APOO: variants seen among roughly 807,000 people sequenced by gnomAD.
APOO encodes the protein MICOS complex subunit MIC26.
APOO carries 11 observed loss-of-function variants against 23.1 expected under a neutral mutation model. The ratio of observed to expected loss-of-function variants is 0.48; its 90% CI spans 0.30 to 0.79. The LOEUF (loss-of-function observed/expected upper bound fraction) is 0.79, where lower values mean the gene tolerates loss of function less well. Among genes scored for constraint, APOO ranks in the 30% least tolerant of loss-of-function variants. The pLI is 0.07. For missense variants in APOO, 160 were observed against 142.7 expected (o/e 1.12, Z -0.62); for synonymous variants, 59 against 54.8 (o/e 1.08, Z -0.34).
intron 1 of APOO, among the ~76,000 whole-genome samples, chrX:23,882,702 A>G (rs1416235091): frequency 9.2e-6 from 1 of 108,210 alleles, no homozygotes; most frequent in Non-Finnish European, 1.9e-5. Flanking sequence ...GTTGGAGTGC[A>G]GCAGCAGGAT....
At chrX:23,835,605 A>G (rs1257062685) in intron 8 of APOO, among the ~76,000 whole-genome samples, 4 of 111,936 alleles carry the variant, frequency 3.6e-5, no homozygotes, top group Non-Finnish European at 5.6e-5. Context: ...GAAATCATTA[A>G]GCAACTAGAG....
At position 23,835,791 on chromosome X, in the gene APOO, T is replaced by C. The variant is rs184645693; in HGVS notation, c.*30-2179A>G. Reference sequence around the variant, plus strand: ...TCCAACTATAAGTTTATGGGAAATATAGAGAAGAAAGAAACCAAGAGATAA... The same window carrying C: ...TCCAACTATAAGTTTATGGGAAATACAGAGAAGAAAGAAACCAAGAGATAA... On this transcript the variant is annotated intron_variant, in intron 8 of 8. Coordinates refer to ENST00000379226, the MANE Select transcript of APOO (RefSeq NM_024122.5). Among the ~76,000 whole-genome samples the C allele has an allele frequency of 9.0e-5, 10 of 110,679 alleles. No homozygotes were observed. In the East Asian group the frequency reaches 2.2e-3, roughly 25 times the overall value.
chrX:23,878,038 A>C (rs1912975011), intron 3 of APOO, among the ~76,000 whole-genome samples: 1 of 111,879 alleles, frequency 8.9e-6, no homozygotes, highest in East Asian at 2.8e-4. Flanking sequence ...ACAGAAACCA[A>C]TCTGTATATG....
rs773608289 is a variant in APOO, at chrX:23,873,653, T to A, written c.292+750A>T. 6.3e-5 allele frequency among the ~76,000 whole-genome samples: 7 copies of A among 110,953 alleles called. No individual in the cohort carries two copies. The East Asian group carries it at 1.7e-3, about 27-fold the overall frequency. On this transcript the variant is annotated intron_variant, in intron 4 of 8. Coordinates refer to ENST00000379226, the MANE Select transcript of APOO (RefSeq NM_024122.5). ...CAGTAGGCAGCTATTGTTATGTTTGTCTTCAAACGATAAATTTATCTGACA... is the reference window on the plus strand; with the variant it reads ...CAGTAGGCAGCTATTGTTATGTTTGACTTCAAACGATAAATTTATCTGACA...
At chrX:23,851,870 T>C (rs1327175420) in intron 7 of APOO, among the ~76,000 whole-genome samples, 1 of 111,974 alleles carries the variant, frequency 8.9e-6, no homozygotes, top group Non-Finnish European at 1.9e-5. Flanking sequence ...AATAATACCG[T>C]TAAGAATTGT....
chrX:23,879,483 C>A (rs16982836), intron 2 of APOO, among the ~76,000 whole-genome samples: 1 of 111,599 alleles, frequency 9.0e-6, no homozygotes, highest in African/African-American at 3.3e-5. Flanking sequence ...CTAAGGGTTA[C>A]AAGCAACCTG....
intron 7 of APOO, chrX:23,840,599 A>C (rs768552917): frequency 2.1e-5 from 6 of 286,749 alleles, no homozygotes; most frequent in Non-Finnish European, 3.0e-5. Context: ...TTTTACTGCA[A>C]AGTGATCCAT....
At chrX:23,840,035 C>T (rs1326800091) in intron 8 of APOO, 1 of 161,583 alleles carries the variant, frequency 6.2e-6, no homozygotes, top group African/African-American at 3.1e-5. Flanking sequence ...TTGAAAAAAA[C>T]CTAAGGAATA....
chrX:23,871,798 A>G (rs948093095), intron 4 of APOO, among the ~76,000 whole-genome samples: 1 of 111,926 alleles, frequency 8.9e-6, no homozygotes, highest in Non-Finnish European at 1.9e-5. Context: ...GGCCTGGCAG[A>G]ATGGTGACTT....
chrX:23,872,193 T>C (rs1925648252), intron 4 of APOO, among the ~76,000 whole-genome samples: 1 of 111,119 alleles, frequency 9.0e-6, no homozygotes, highest in Admixed American at 9.7e-5. Flanking sequence ...AGAAGATATG[T>C]TTTAAGACTG....
chrX:23,873,012 C>T (rs941515237), intron 4 of APOO, among the ~76,000 whole-genome samples: 5 of 110,515 alleles, frequency 4.5e-5, no homozygotes, highest in South Asian at 3.8e-4. Context: ...GATAGCACCA[C>T]TGCACTCCAG....
chrX:23,850,970 T>TTA (rs764306274), intron 7 of APOO, among the ~76,000 whole-genome samples: 14 of 111,013 alleles, frequency 1.3e-4, no homozygotes, highest in African/African-American at 2.0e-4. Context: ...CTAGATAAAC[T>TTA]TATATATATA....
chrX:23,872,327 G>A (rs1160594896), intron 4 of APOO, among the ~76,000 whole-genome samples: 1 of 110,411 alleles, frequency 9.1e-6, no homozygotes. Flanking sequence ...AGCCCAGGAG[G>A]TTGAGGCTGC....
chrX:23,896,977 C>G (rs1926929948), intron 1 of APOO, among the ~76,000 whole-genome samples: 1 of 110,932 alleles, frequency 9.0e-6, no homozygotes, highest in South Asian at 3.7e-4. Flanking sequence ...AAAAACTCTT[C>G]CTAATACAAC....
Position 23,840,294 on chromosome X carries a change from GA to G in APOO, c.*29+18del. 9.2e-7 allele frequency: 1 copy of G among 1,090,278 alleles called. No individual in the cohort carries two copies. The highest frequency in any genetic ancestry group is 1.2e-6 in the Non-Finnish European group (1 of 818,154). The allele number at this position is 1,090,278 out of a possible 1,213,427, so 89.9% of individuals were successfully genotyped here. A position where few individuals can be genotyped will look rare whatever the true frequency, so the allele number is the denominator to read the frequency against. ...CACTACAATGCTGAAAATAATCACA[GA>G]AATTTCTTGTTTTTTACCTGATTAA... On this transcript the variant is annotated intron_variant, in intron 8 of 8. Transcript: ENST00000379226.
intron 7 of APOO, among the ~76,000 whole-genome samples, chrX:23,854,913 T>C (rs1182270498): frequency 2.7e-5 from 3 of 111,238 alleles, no homozygotes; most frequent in Non-Finnish European, 5.7e-5. Context: ...AAAACAGGGA[T>C]TGCCAAAAGA....
At chrX:23,857,256 A>T (rs775551957) in intron 6 of APOO, among the ~76,000 whole-genome samples, 18 of 43,162 alleles carry the variant, frequency 4.2e-4, no homozygotes, top group South Asian at 1.0e-3. Context: ...AAAGAAATTT[A>T]AAAAAAAAAA....
At chrX:23,850,091 T>C (rs1241763227) in intron 7 of APOO, among the ~76,000 whole-genome samples, 1 of 111,686 alleles carries the variant, frequency 9.0e-6, no homozygotes, top group Non-Finnish European at 1.9e-5. Flanking sequence ...TAGATACAGA[T>C]GGAAAATGCA....
At chrX:23,839,391 TG>T (rs1434120550) in intron 8 of APOO, among the ~76,000 whole-genome samples, 1 of 111,397 alleles carries the variant, frequency 9.0e-6, no homozygotes, top group African/African-American at 3.3e-5. Context: ...TGCTTGAGGC[TG>T]GGGGTTGGGC....
Sources: gnomAD v4.1 joint callset for allele counts (sites outside exome capture counted in the v4.1 genomes callset) on GRCh38, gnomAD v4.1.1 for gene constraint, MANE v1.5 for transcripts, NCBI Gene and HGNC (gene_info 2026-07-23, HGNC 2026-07-21) for gene names.